The following TENM3 variants were observed in gnomAD, a reference collection of about 807,000 sequenced individuals.
TENM3 encodes teneurin-3.
Under a neutral mutation model 255.1 loss-of-function variants are expected in TENM3, and 63 were observed. That is an observed-to-expected ratio of 0.25 (90% CI 0.20 to 0.30). The LOEUF is 0.30. Ranked by LOEUF, TENM3 falls within the 10% of genes least tolerant of loss-of-function variation. The probability of loss-of-function intolerance (pLI) is 1.00; values close to 1 mark genes in which losing one functional copy is unlikely to be tolerated. For missense variants in TENM3, 2,929 were observed against 3,461.1 expected (o/e 0.85, Z 3.86); for synonymous variants, 1,306 against 1,322.3 (o/e 0.99, Z 0.27).
rs112140667 is a variant in TENM3, at chr4:182,546,425, T to C, written c.512-54499T>C. On this transcript the variant is annotated intron_variant, in intron 3 of 27. Coordinates refer to ENST00000511685, the MANE Select transcript of TENM3 (RefSeq NM_001080477.4). ...GTTGAATCCTTGACTCAATTAGACA[T>C]TTACCATTTTTTTTTGTTGTTTGTT... Among the ~76,000 whole-genome samples, 109 of 141,786 alleles carry C rather than the reference T, an allele frequency of 7.7e-4. 1 individual carries two copies. Among genetic ancestry groups the C allele is most frequent in the African/African-American group, 3.1e-3 (104 of 33,894 alleles). 93.0% of individuals were successfully genotyped at this position (141,786 alleles called of 152,430 possible).
the TENM3 span, among the ~76,000 whole-genome samples, chr4:181,817,658 C>T: frequency 1.9e-4 from 29 of 152,204 alleles, 1 homozygote; most frequent in South Asian, 1.2e-3. Flanking sequence ...GTATTAGACG[C>T]GCTTATAAAA....
chr4:181,737,725 G>A, the TENM3 span, among the ~76,000 whole-genome samples: 7 of 151,932 alleles, frequency 4.6e-5, no homozygotes, highest in Non-Finnish European at 8.8e-5. Context: ...AAGACATGAC[G>A]CTGTATATAT....
chr4:182,572,862 G>A (rs1744535856), intron 3 of TENM3, among the ~76,000 whole-genome samples: 1 of 152,146 alleles, frequency 6.6e-6, no homozygotes, highest in African/African-American at 2.4e-5. Context: ...GTGCCATAAA[G>A]ATTAATGATA....
At chr4:182,239,138 A>G (rs750599231), upstream of TENM3, among the ~76,000 whole-genome samples, 17 of 150,146 alleles carry the variant, frequency 1.1e-4, no homozygotes, top group Non-Finnish European at 1.6e-4. Context: ...GTGCAATGGC[A>G]CGATCTCGAC....
chr4:182,161,684 TAC>T (rs1311785448), intron 1 of TENM3, among the ~76,000 whole-genome samples: 50 of 121,758 alleles, frequency 4.1e-4, no homozygotes, highest in African/African-American at 1.5e-3. Flanking sequence ...TGTATATATA[TAC>T]ACAAATATAT....
chr4:181,809,951 A>G, the TENM3 span, among the ~76,000 whole-genome samples: 1 of 152,134 alleles, frequency 6.6e-6, no homozygotes, highest in African/African-American at 2.4e-5. Flanking sequence ...TTGCCCCTTA[A>G]AGCTCATTTT....
At position 182,164,897 on chromosome 4, in the gene TENM3, T is replaced by C. The variant is rs142053128; in HGVS notation, c.-76+20143T>C. On this transcript the variant is annotated intron_variant, in intron 1 of 2. Coordinates refer to the TENM3 transcript ENST00000512480. ...AGGTAGAAGTTCTGCTGTTCTATCATTGAATATTTCATTCTTTCCCATTTT... is the reference window on the plus strand; with the variant it reads ...AGGTAGAAGTTCTGCTGTTCTATCACTGAATATTTCATTCTTTCCCATTTT... 2.5e-3 allele frequency among the ~76,000 whole-genome samples: 380 copies of C among 152,312 alleles called. 1 individual carries two copies. Among genetic ancestry groups the C allele is most frequent in the African/African-American group, 8.0e-3 (333 of 41,554 alleles).
chr4:181,879,743 G>A, the TENM3 span, among the ~76,000 whole-genome samples: 44 of 152,230 alleles, frequency 2.9e-4, no homozygotes, highest in African/African-American at 1.0e-3. Flanking sequence ...TGACTCCTGT[G>A]ATACTTAGAA....
At chr4:182,432,037 C>A (rs1446364069) in intron 3 of TENM3, among the ~76,000 whole-genome samples, 1 of 147,446 alleles carries the variant, frequency 6.8e-6, no homozygotes, top group Non-Finnish European at 1.5e-5. Context: ...GATCCGAGAT[C>A]GCGCTACTGC....
At chr4:182,455,091 A>G (rs906453637) in intron 3 of TENM3, among the ~76,000 whole-genome samples, 4 of 152,198 alleles carry the variant, frequency 2.6e-5, no homozygotes, top group Non-Finnish European at 4.4e-5. Context: ...TCATCATGCT[A>G]TGAATTATGT....
chr4:181,513,248 T>C, the TENM3 span, among the ~76,000 whole-genome samples: 2 of 152,066 alleles, frequency 1.3e-5, no homozygotes, highest in African/African-American at 4.8e-5. Context: ...TTCTCAATCA[T>C]TCATAATTAC....
chr4:182,570,904 C>T (rs937606541), intron 3 of TENM3, among the ~76,000 whole-genome samples: 11 of 151,888 alleles, frequency 7.2e-5, no homozygotes, highest in African/African-American at 1.9e-4. Context: ...TAGGTCGATG[C>T]GTGTGTTTAT....
chr4:181,955,625 G>A, the TENM3 span, among the ~76,000 whole-genome samples: 3 of 152,104 alleles, frequency 2.0e-5, no homozygotes, highest in Admixed American at 6.6e-5. Context: ...GAGGAACAAG[G>A]GTTTGGAAAG....
the TENM3 span, among the ~76,000 whole-genome samples, chr4:181,756,901 C>A: frequency 6.6e-6 from 1 of 152,276 alleles, no homozygotes. Flanking sequence ...AGCTAATCCT[C>A]CTATACTCAC....
At chr4:182,709,864 G>T (rs551346598) in intron 12 of TENM3, among the ~76,000 whole-genome samples, 1 of 152,136 alleles carries the variant, frequency 6.6e-6, no homozygotes, top group African/African-American at 2.4e-5. Flanking sequence ...CAAAACTTGT[G>T]TTAAGAGTTG....
intron 3 of TENM3, among the ~76,000 whole-genome samples, chr4:182,441,333 C>G (rs1772467155): frequency 6.6e-6 from 1 of 152,084 alleles, no homozygotes; most frequent in African/African-American, 2.4e-5. Context: ...CACAGACAGA[C>G]AGACAGAAAG....
the TENM3 span, among the ~76,000 whole-genome samples, chr4:181,766,551 G>T: frequency 6.6e-6 from 1 of 152,062 alleles, no homozygotes; most frequent in Non-Finnish European, 1.5e-5. Flanking sequence ...GAGGTGGCAG[G>T]CTCCAAGATC....
intron 3 of TENM3, among the ~76,000 whole-genome samples, chr4:182,557,621 C>G (rs1305149116): frequency 1.3e-5 from 2 of 152,140 alleles, no homozygotes; most frequent in Admixed American, 6.5e-5. Flanking sequence ...CATATAGTCT[C>G]TAGCCAGTGA....
chr4:182,219,708 C>G (rs1208441510), intron 1 of TENM3, among the ~76,000 whole-genome samples: 1 of 152,144 alleles, frequency 6.6e-6, no homozygotes, highest in Non-Finnish European at 1.5e-5. Flanking sequence ...CACATACCAT[C>G]AGGCTTCTTT....
Sources: allele counts gnomAD v4.1 joint callset (sites outside exome capture counted in the v4.1 genomes callset), GRCh38; gene constraint gnomAD v4.1.1; transcripts MANE v1.5; gene names NCBI Gene and HGNC (gene_info 2026-07-23, HGNC 2026-07-21).